PGGT1B: variants seen among roughly 807,000 people sequenced by gnomAD.
The protein encoded by PGGT1B is geranylgeranyl transferase type-1 subunit beta.
PGGT1B carries 30 observed loss-of-function variants against 46.1 expected under a neutral mutation model. The ratio of observed to expected loss-of-function variants is 0.65; its 90% CI spans 0.49 to 0.88. The LOEUF (loss-of-function observed/expected upper bound fraction) is 0.88. Ranked by LOEUF, PGGT1B falls within the 40% of genes least tolerant of loss-of-function variation. The pLI, the probability that PGGT1B is intolerant of heterozygous loss-of-function variation, is 0.00. For synonymous variants in PGGT1B, 170 were observed against 160.0 expected (o/e 1.06, Z -0.47); for missense variants, 376 against 455.9 (o/e 0.82, Z 1.60).
In PGGT1B at chr5:115,206,249, G is replaced by A. The variant is rs1756060168; in HGVS notation, c.*6153C>T. 1 of 151,918 alleles carries A rather than the reference G, an allele frequency of 6.6e-6. No individual in the cohort carries two copies. Among genetic ancestry groups the A allele is most frequent in the Non-Finnish European group, 1.5e-5 (1 of 67,896 alleles). The allele number at this position is 151,918 out of a possible 1,614,324, so 9.4% of individuals were successfully genotyped here. A position where few individuals can be genotyped will look rare whatever the true frequency, so the allele number is the denominator to read the frequency against. On this transcript the variant is annotated 3_prime_UTR_variant, in exon 9 of 9. Transcript: ENST00000419445. ...TACAGAGATTAAAGGTCTGAAAGAT[G>A]TATGCAACAGTGGTGTTTACCTCCA...
Position 115,259,730 on chromosome 5 carries a change from GAAC to G in PGGT1B, c.140+2979_140+2981del, listed in dbSNP as rs1368443422. On this transcript the variant is annotated intron_variant, in intron 1 of 8. Transcript: ENST00000419445. ...AAAAAAGATAAGGGAGGAAACGAAA[GAAC>G]AAAGTAGTTGCAGAATGGGAGGCAG... is the stretch of plus-strand genomic sequence containing the variant. 2.6e-4 allele frequency among the ~76,000 whole-genome samples: 33 copies of G among 128,050 alleles called. No homozygotes were observed. In the South Asian group the frequency reaches 6.6e-3, roughly 25 times the overall value. The allele number at this position is 128,050 out of a possible 152,430, so 84.0% of individuals were successfully genotyped here. A position where few individuals can be genotyped will look rare whatever the true frequency, so the allele number is the denominator to read the frequency against.
chr5:115,208,071 A>T lies in PGGT1B; in HGVS notation c.*4331T>A, dbSNP rs1756115446. On this transcript the variant is annotated 3_prime_UTR_variant, in exon 9 of 9. Transcript: ENST00000419445. ...CCCTTGCATTCTTACAATAAACCCAACTTAGTCATGATTACCTTTTGAAAG... is the reference window on the plus strand; with the variant it reads ...CCCTTGCATTCTTACAATAAACCCATCTTAGTCATGATTACCTTTTGAAAG... 1 of 151,830 alleles carries T rather than the reference A, an allele frequency of 6.6e-6. No individual in the cohort carries two copies. Among genetic ancestry groups the T allele is most frequent in the African/African-American group, 2.4e-5 (1 of 41,362 alleles). 9.4% of individuals were successfully genotyped at this position (151,830 alleles called of 1,614,324 possible). A position where few individuals can be genotyped will look rare whatever the true frequency, so the allele number is the denominator to read the frequency against.
intron 5 of PGGT1B, among the ~76,000 whole-genome samples, chr5:115,233,659 G>T (rs995017265): frequency 1.3e-5 from 2 of 150,498 alleles, no homozygotes; most frequent in African/African-American, 2.4e-5. Flanking sequence ...TTAAGAAAAT[G>T]GTCAATTACA....
At chr5:115,259,380 C>A (rs1352938966) in intron 1 of PGGT1B, among the ~76,000 whole-genome samples, 1 of 152,080 alleles carries the variant, frequency 6.6e-6, no homozygotes, top group African/African-American at 2.4e-5. Flanking sequence ...AGATGTACTG[C>A]TAGACTGTGA....
At chr5:115,236,953 G>C (rs1757202513) in intron 4 of PGGT1B, among the ~76,000 whole-genome samples, 1 of 152,102 alleles carries the variant, frequency 6.6e-6, no homozygotes, top group African/African-American at 2.4e-5. Context: ...TGTATACACA[G>C]ATAACCATTT....
At chr5:115,215,162 C>T (rs890838438) in intron 8 of PGGT1B, among the ~76,000 whole-genome samples, 2 of 152,068 alleles carry the variant, frequency 1.3e-5, no homozygotes, top group Admixed American at 1.3e-4. Flanking sequence ...CCATGCCTGG[C>T]TATTTTTGTA....
At chr5:115,235,389 C>A (rs1195198750) in intron 5 of PGGT1B, among the ~76,000 whole-genome samples, 4 of 151,944 alleles carry the variant, frequency 2.6e-5, no homozygotes, top group African/African-American at 4.8e-5. Flanking sequence ...ACTAACAACA[C>A]TATTGGATAA....
At chr5:115,255,238 T>C (rs955613035) in intron 1 of PGGT1B, among the ~76,000 whole-genome samples, 2 of 152,178 alleles carry the variant, frequency 1.3e-5, no homozygotes, top group African/African-American at 2.4e-5. Context: ...AGGCCTTTTC[T>C]ATAGACTCTT....
In PGGT1B at chr5:115,205,636, G is replaced by C. The variant is rs989725391; in HGVS notation, c.*6766C>G. The stretch of plus-strand genomic sequence containing the variant: ...AGATTTATAATTCGTAAATGAGTTT[G>C]AGGAACGAAGCCACAAAGGTCTTTT... On this transcript the variant is annotated 3_prime_UTR_variant, in exon 9 of 9. Coordinates refer to ENST00000419445, the MANE Select transcript of PGGT1B (RefSeq NM_005023.4). The C allele has an allele frequency of 1.3e-5, 2 of 152,078 alleles. No homozygotes were observed. The highest frequency in any genetic ancestry group is 2.4e-5 in the African/African-American group (1 of 41,458). 9.4% of individuals were successfully genotyped at this position (152,078 alleles called of 1,614,324 possible). A position where few individuals can be genotyped will look rare whatever the true frequency, so the allele number is the denominator to read the frequency against.
At chr5:115,227,627 G>A (rs1409672709) in intron 6 of PGGT1B, among the ~76,000 whole-genome samples, 1 of 152,154 alleles carries the variant, frequency 6.6e-6, no homozygotes, top group African/African-American at 2.4e-5. Flanking sequence ...GTCCACCTGT[G>A]CCACTGTTTC....
intron 1 of PGGT1B, among the ~76,000 whole-genome samples, chr5:115,262,246 C>T (rs930951327): frequency 1.3e-5 from 2 of 152,182 alleles, no homozygotes; most frequent in Non-Finnish European, 2.9e-5. Context: ...TTATAGTTCC[C>T]ACAAAGTTTC....
intron 6 of PGGT1B, among the ~76,000 whole-genome samples, 165 bp downstream of exon 6, chr5:115,230,811 A>G (rs1220941186): frequency 6.6e-6 from 1 of 152,116 alleles, no homozygotes; most frequent in African/African-American, 2.4e-5. Flanking sequence ...AGAGGCTTCA[A>G]ATAGACAAAA....
chr5:115,224,059 A>G (rs1025692855), intron 6 of PGGT1B, among the ~76,000 whole-genome samples: 2 of 152,182 alleles, frequency 1.3e-5, no homozygotes, highest in African/African-American at 4.8e-5. Context: ...GAACTATTTA[A>G]TCTTCAGAAT....
intron 3 of PGGT1B, among the ~76,000 whole-genome samples, chr5:115,239,757 A>G (rs988123738): frequency 1.4e-4 from 21 of 152,326 alleles, no homozygotes; most frequent in African/African-American, 5.1e-4. Flanking sequence ...AAGTAAACGC[A>G]AATTAGAGAA....
intron 8 of PGGT1B, among the ~76,000 whole-genome samples, chr5:115,214,066 T>C (rs1756331838): frequency 6.6e-6 from 1 of 152,194 alleles, no homozygotes; most frequent in Non-Finnish European, 1.5e-5. Flanking sequence ...CATATAGTTA[T>C]TCTAAAACTA....
At position 115,216,894 on chromosome 5, in the gene PGGT1B, C is replaced by T; in HGVS notation, c.923G>A (p.Gly308Glu). The change falls in exon 8 of 9, where the codon GGA becomes GAA. Residue 308 changes from glycine to glutamate, a missense_variant. Around this residue, in one of 2 missense-constraint regions of PGGT1B, gnomAD observed 222 missense variants for 313.6 expected, o/e 0.71. Transcript: ENST00000419445. ...ILSTQDRLVG[G>E]FAKWPDSHPD... Reference sequence around the variant, plus strand: ...ATGACTGTCTGGCCACTTGGCAAATCCCCCTACAAGGCGATCTTGAGTTGA... The same window carrying T: ...ATGACTGTCTGGCCACTTGGCAAATTCCCCTACAAGGCGATCTTGAGTTGA... 1.3e-6 allele frequency: 2 copies of T among 1,590,290 alleles called. No individual in the cohort carries two copies. Among genetic ancestry groups the T allele is most frequent in the Non-Finnish European group, 1.7e-6 (2 of 1,160,700 alleles).
At chr5:115,238,677 A>G (rs566316184) in intron 3 of PGGT1B, among the ~76,000 whole-genome samples, 13 of 152,210 alleles carry the variant, frequency 8.5e-5, no homozygotes, top group Non-Finnish European at 1.3e-4. Flanking sequence ...TCTGCCTTCT[A>G]TAATAAATGT....
intron 1 of PGGT1B, among the ~76,000 whole-genome samples, chr5:115,257,530 C>CAAAAAAAAAAAAAAAAAAAA (rs1169870044): frequency 2.8e-5 from 2 of 72,114 alleles, no homozygotes; most frequent in African/African-American, 5.2e-5. Flanking sequence ...AACTCCATCT[C>CAAAAAAAAAAAAAAAAAAAA]AAAAAAAAAA....
intron 8 of PGGT1B, among the ~76,000 whole-genome samples, chr5:115,215,907 C>T (rs1367632080): frequency 6.6e-6 from 1 of 152,084 alleles, no homozygotes; most frequent in East Asian, 1.9e-4. Flanking sequence ...TTTCAAAACA[C>T]ACTTAAATGG....
Sources: gnomAD v4.1 joint callset for allele counts (sites outside exome capture counted in the v4.1 genomes callset) on GRCh38, gnomAD v4.1.1 for gene constraint, gnomAD v4.1.1 regional missense constraint, MANE v1.5 for transcripts, NCBI Gene and HGNC (gene_info 2026-07-23, HGNC 2026-07-21) for gene names.